SLC2A13: variants seen among roughly 807,000 people sequenced by gnomAD.
The protein encoded by SLC2A13 is proton myo-inositol cotransporter.
SLC2A13 carries 32 observed loss-of-function variants against 64.4 expected under a neutral mutation model. That is an observed-to-expected ratio of 0.50 (90% CI 0.37 to 0.67). SLC2A13 has a LOEUF of 0.67. Among genes scored for constraint, SLC2A13 ranks in the 30% least tolerant of loss-of-function variants. SLC2A13 has a pLI of 0.00. For missense variants in SLC2A13, 743 were observed against 829.2 expected, an observed-to-expected ratio of 0.90 and a Z score of 1.28; for synonymous variants, 338 against 327.1, an observed-to-expected ratio of 1.03 and a Z score of -0.36.
At chr12:39,849,594 T>C (rs140182241) in intron 6 of SLC2A13, among the ~76,000 whole-genome samples, 76 of 152,316 alleles carry the variant, frequency 5.0e-4, no homozygotes, top group Admixed American at 3.3e-3. Context: ...CTCTTCCTTA[T>C]AGAGTAACTG....
chr12:40,072,892 C>A (rs79087673), intron 1 of SLC2A13, among the ~76,000 whole-genome samples: 1 of 152,090 alleles, frequency 6.6e-6, no homozygotes, highest in African/African-American at 2.4e-5. Flanking sequence ...CAAAGTCTAC[C>A]ATATTTATTG....
At chr12:39,790,528 G>T (rs1303130217) in intron 7 of SLC2A13, among the ~76,000 whole-genome samples, 1 of 150,448 alleles carries the variant, frequency 6.6e-6, no homozygotes, top group African/African-American at 2.4e-5. Context: ...TTTCATCCAT[G>T]TCCCTACAAA....
At chr12:40,071,279 G>A (rs746724012) in intron 1 of SLC2A13, among the ~76,000 whole-genome samples, 8 of 152,020 alleles carry the variant, frequency 5.3e-5, no homozygotes, top group Non-Finnish European at 1.2e-4. Flanking sequence ...ACCCAGGCTG[G>A]TCTCGAAATT....
At chr12:40,001,972 C>T (rs553526648) in intron 3 of SLC2A13, among the ~76,000 whole-genome samples, 6 of 152,086 alleles carry the variant, frequency 3.9e-5, no homozygotes, top group African/African-American at 1.2e-4. Context: ...AAAATTTAAC[C>T]TAGCAAATAG....
At chr12:39,808,786 T>C (rs780725161) in intron 7 of SLC2A13, among the ~76,000 whole-genome samples, 1 of 152,176 alleles carries the variant, frequency 6.6e-6, no homozygotes, top group Non-Finnish European at 1.5e-5. Context: ...TTTATTTATT[T>C]TAAGTTGTAA....
At chr12:39,959,274 C>T (rs1212121215) in intron 3 of SLC2A13, among the ~76,000 whole-genome samples, 2 of 152,210 alleles carry the variant, frequency 1.3e-5, no homozygotes, top group African/African-American at 2.4e-5. Context: ...GAATGGACTG[C>T]TGCTATTGAT....
chr12:39,997,808 G>A (rs768142270), intron 3 of SLC2A13, among the ~76,000 whole-genome samples: 14 of 152,064 alleles, frequency 9.2e-5, no homozygotes, highest in Non-Finnish European at 8.8e-5. Context: ...TCCAGCCTGG[G>A]TGACAGAGCG....
intron 3 of SLC2A13, among the ~76,000 whole-genome samples, chr12:39,984,909 A>G (rs1947000655): frequency 1.3e-5 from 2 of 152,134 alleles, no homozygotes; most frequent in South Asian, 4.1e-4. Flanking sequence ...ACGAAGAAGC[A>G]ATCTATGGGA....
Position 40,002,553 on chromosome 12 carries a change from C to A in SLC2A13, c.925+25748G>T, listed in dbSNP as rs1035373559. On this transcript the variant is annotated intron_variant, in intron 3 of 9. Coordinates refer to ENST00000280871, the MANE Select transcript of SLC2A13 (RefSeq NM_052885.4). ...TGAATGAATGAGGTCATGGAATTTC[C>A]TCTAAAAGTCTTTTAAAAAGGAACA... Among the ~76,000 whole-genome samples the A allele has an allele frequency of 9.2e-5, 14 of 152,130 alleles. No homozygotes were observed. In the South Asian group the frequency reaches 1.0e-3, roughly 11 times the overall value.
intron 3 of SLC2A13, among the ~76,000 whole-genome samples, chr12:39,967,877 C>A (rs1486129563): frequency 6.6e-6 from 1 of 152,084 alleles, no homozygotes; most frequent in African/African-American, 2.4e-5. Flanking sequence ...TATTTAAAGA[C>A]AGAAAATGGT....
At chr12:39,884,875 A>G (rs1478642789) in intron 4 of SLC2A13, among the ~76,000 whole-genome samples, 1 of 152,232 alleles carries the variant, frequency 6.6e-6, no homozygotes, top group Non-Finnish European at 1.5e-5. Context: ...GGGTTTAGCT[A>G]GAGAAAGCAT....
intron 6 of SLC2A13, among the ~76,000 whole-genome samples, chr12:39,838,387 T>C (rs1247058896): frequency 6.9e-6 from 1 of 144,906 alleles, no homozygotes; most frequent in Non-Finnish European, 1.5e-5. Flanking sequence ...ATATACCTAA[T>C]GCTAGATGAC....
intron 2 of SLC2A13, 147 bp from the exon 3 acceptor site, chr12:40,028,656 TAGGAA>T: frequency 2.8e-6 from 2 of 713,576 alleles, no homozygotes; most frequent in Non-Finnish European, 4.5e-6. Flanking sequence ...TGTCTGTCAC[TAGGAA>T]AAAAGGATAT....
At chr12:40,052,849 A>C (rs1168055388) in intron 1 of SLC2A13, among the ~76,000 whole-genome samples, 1 of 152,134 alleles carries the variant, frequency 6.6e-6, no homozygotes, top group Admixed American at 6.6e-5. Context: ...CTTAGAATAG[A>C]ATCCTGAAAC....
Position 39,756,917 on chromosome 12 carries a change from C to T in SLC2A13, c.*3109G>A, listed in dbSNP as rs1939982997. ...CATAGCATTTTGTATCAGGGAACTACTGTGTATGGCTGGGAACAAAATTTA... is the reference window on the plus strand; with the variant it reads ...CATAGCATTTTGTATCAGGGAACTATTGTGTATGGCTGGGAACAAAATTTA... On this transcript the variant is annotated 3_prime_UTR_variant, in exon 10 of 10. Coordinates refer to ENST00000280871, the MANE Select transcript of SLC2A13 (RefSeq NM_052885.4). 1.3e-5 allele frequency: 2 copies of T among 151,542 alleles called. No homozygotes were observed. The highest frequency in any genetic ancestry group is 4.1e-4 in the South Asian group (2 of 4,826). 9.4% of individuals were successfully genotyped at this position (151,542 alleles called of 1,614,324 possible). A position where few individuals can be genotyped will look rare whatever the true frequency, so the allele number is the denominator to read the frequency against.
chr12:39,870,287 AT>A (rs1944011493), intron 5 of SLC2A13, among the ~76,000 whole-genome samples: 1 of 152,164 alleles, frequency 6.6e-6, no homozygotes, highest in African/African-American at 2.4e-5. Context: ...AGCAGCTATT[AT>A]CTCTTCTTAG....
intron 7 of SLC2A13, among the ~76,000 whole-genome samples, chr12:39,795,286 A>G (rs1941538423): frequency 6.6e-6 from 1 of 151,804 alleles, no homozygotes; most frequent in African/African-American, 2.4e-5. Context: ...TCAGTTCACT[A>G]ATTCTACTGA....
At position 39,968,763 on chromosome 12, in the gene SLC2A13, TATATATATATATATATATATATATATA is replaced by T. The variant is rs1946582205; in HGVS notation, c.926-17425_926-17399del. Among the ~76,000 whole-genome samples the T allele has an allele frequency of 4.6e-5, 5 of 108,838 alleles. 1 individual carries two copies. Among genetic ancestry groups the T allele is most frequent in the Non-Finnish European group, 1.8e-5 (1 of 56,838 alleles). 71.4% of individuals were successfully genotyped at this position (108,838 alleles called of 152,430 possible). ...TTATTTTTGTTGTTTTTTTTTGGTA[TATATATATATATATATATATATATATA>T]TATATATATATATATATCTACATTA... On this transcript the variant is annotated intron_variant, in intron 3 of 9. Transcript: ENST00000280871.
chr12:39,914,870 C>T (rs909525993), intron 4 of SLC2A13, among the ~76,000 whole-genome samples: 1 of 151,818 alleles, frequency 6.6e-6, no homozygotes, highest in Non-Finnish European at 1.5e-5. Context: ...ACAAAAGTAT[C>T]TTTACGACTT....
Sources: allele counts gnomAD v4.1 joint callset (sites outside exome capture counted in the v4.1 genomes callset), GRCh38; gene constraint gnomAD v4.1.1; transcripts MANE v1.5; gene names NCBI Gene and HGNC (gene_info 2026-07-23, HGNC 2026-07-21).